TBC1D16: variants seen among roughly 807,000 people sequenced by gnomAD.
The protein encoded by TBC1D16 is CTD-2529O21.1.
Under a neutral mutation model 74.7 loss-of-function variants are expected in TBC1D16, and 58 were observed. The observed-to-expected ratio is 0.78, with a 90% CI of 0.63 to 0.97. The LOEUF (loss-of-function observed/expected upper bound fraction) is 0.97, where lower values mean the gene tolerates loss of function less well. Among genes scored for constraint, TBC1D16 ranks in the 50% least tolerant of loss-of-function variants. The probability of loss-of-function intolerance (pLI) is 0.00; values close to 1 mark genes in which losing one functional copy is unlikely to be tolerated. For missense variants in TBC1D16, 1,014 were observed against 1,079.5 expected (o/e 0.94, Z 0.85); for synonymous variants, 493 against 474.7 (o/e 1.04, Z -0.50).
Position 79,941,552 on chromosome 17 carries a change from C to T in TBC1D16, c.2056-445G>A, listed in dbSNP as rs577084563. Among the ~76,000 whole-genome samples the T allele has an allele frequency of 6.6e-6, 1 of 152,236 alleles. No homozygotes were observed. Among genetic ancestry groups the T allele is most frequent in the African/African-American group, 2.4e-5 (1 of 41,542 alleles). ...CTGTGTCCTGTGCCAGAGGACACCA[C>T]CGACCTCGGGACCCCCGCTCAGTGC... On this transcript the variant is annotated intron_variant, in intron 11 of 11. Transcript: ENST00000310924. The surrounding 1 kb of genome is among the most constrained non-coding windows in gnomAD (Gnocchi z 4.3).
intron 2 of TBC1D16, among the ~76,000 whole-genome samples, chr17:80,011,653 T>C (rs1295906026): frequency 2.0e-5 from 3 of 152,080 alleles, no homozygotes; most frequent in East Asian, 1.9e-4. Context: ...GGTGAAACCC[T>C]GTCTCTACTA....
In TBC1D16 at chr17:79,934,851, A is replaced by T. The variant is rs1225270604; in HGVS notation, c.*6008T>A. The T allele has an allele frequency of 6.6e-6, 1 of 152,424 alleles. No individual in the cohort carries two copies. Among genetic ancestry groups the T allele is most frequent in the Non-Finnish European group, 1.5e-5 (1 of 68,220 alleles). 9.4% of individuals were successfully genotyped at this position (152,424 alleles called of 1,614,324 possible). On this transcript the variant is annotated 3_prime_UTR_variant, in exon 12 of 12. Coordinates refer to ENST00000310924, the MANE Select transcript of TBC1D16 (RefSeq NM_019020.4). ...CCTCCAGCCCCCGCCCCCAGGCAAA[A>T]GGGGAAAAGACACACAGAGAACAAC... is the stretch of plus-strand genomic sequence containing the variant.
chr17:79,950,488 T>C lies in TBC1D16; in HGVS notation c.1180A>G (p.Lys394Glu). The C allele has an allele frequency of 6.2e-7, 1 of 1,613,226 alleles. No homozygotes were observed. Among genetic ancestry groups the C allele is most frequent in the Non-Finnish European group, 8.5e-7 (1 of 1,179,888 alleles). ...AGCCAGGCGGAGACGCCGAGCCTCT[T>C]GTACATGCTCTCCTCGGGGTGCGTC... Reference protein sequence around the residue: ...SETHPEESMYKRLGVSAWLNH... With the variant: ...SETHPEESMYERLGVSAWLNH... Residue 394 changes from lysine (K) to glutamate (E), a missense_variant, in exon 6 of 12, where the codon AAG becomes GAG. Transcript: ENST00000310924. The surrounding 1 kb of genome is among the most constrained non-coding windows in gnomAD (Gnocchi z 4.6).
Position 79,979,270 on chromosome 17 carries a change from G to A in TBC1D16, c.780-26452C>T, listed in dbSNP as rs527904093. On this transcript the variant is annotated intron_variant, in intron 3 of 11. Coordinates refer to ENST00000310924, the MANE Select transcript of TBC1D16 (RefSeq NM_019020.4). The surrounding 1 kb of genome is among the most constrained non-coding windows in gnomAD (Gnocchi z 4.8). ...ACACGCTCCGGGGATGCACACCCAC[G>A]CCCAGAGCACACGCGCTCCGGGGAC... 1.5e-4 allele frequency among the ~76,000 whole-genome samples: 23 copies of A among 151,644 alleles called. No individual in the cohort carries two copies. The South Asian group carries it at 4.8e-3, about 32-fold the overall frequency.
chr17:79,940,713 T>C lies in TBC1D16; in HGVS notation c.*146A>G, dbSNP rs1344235209. On this transcript the variant is annotated 3_prime_UTR_variant, in exon 12 of 12. Coordinates refer to ENST00000310924, the MANE Select transcript of TBC1D16 (RefSeq NM_019020.4). The surrounding 1 kb of genome is among the most constrained non-coding windows in gnomAD (Gnocchi z 5.4). ...CCAGACTCTAATTTTGTCATTAATATGAAAAGGTTCCTCTCATGTTGCCCA... is the reference window on the plus strand; with the variant it reads ...CCAGACTCTAATTTTGTCATTAATACGAAAAGGTTCCTCTCATGTTGCCCA... The C allele has an allele frequency of 1.2e-5, 12 of 981,054 alleles. No individual in the cohort carries two copies. Among genetic ancestry groups the C allele is most frequent in the South Asian group, 9.2e-5 (3 of 32,716 alleles). The allele number at this position is 981,054 out of a possible 1,614,324, so 60.8% of individuals were successfully genotyped here. A position where few individuals can be genotyped will look rare whatever the true frequency, so the allele number is the denominator to read the frequency against.
At chr17:80,031,406 A>T (rs911461852) in intron 1 of TBC1D16, among the ~76,000 whole-genome samples, 2 of 152,192 alleles carry the variant, frequency 1.3e-5, no homozygotes, top group Non-Finnish European at 2.9e-5. Context: ...TGTATTTAAA[A>T]TGAAGAAACT....
In TBC1D16 at chr17:80,001,138, C is replaced by T. The variant is rs1260287804; in HGVS notation, c.779+9022G>A. On this transcript the variant is annotated intron_variant, in intron 3 of 11. Coordinates refer to ENST00000310924, the MANE Select transcript of TBC1D16 (RefSeq NM_019020.4). This position sits in a 1 kb window ranked among gnomAD's most constrained non-coding sequence, Gnocchi z 5.8. ...TGGCCATTTCTAGACTGACTATGGC[C>T]ACATGCCAGTTCATGGGGCTCTGAC... Among the ~76,000 whole-genome samples the T allele has an allele frequency of 1.3e-5, 2 of 152,224 alleles. No homozygotes were observed. Among genetic ancestry groups the T allele is most frequent in the Non-Finnish European group, 1.5e-5 (1 of 68,046 alleles).
In TBC1D16 at chr17:79,956,131, C is replaced by A. The variant is rs2033323358; in HGVS notation, c.780-3313G>T. 6.6e-6 allele frequency among the ~76,000 whole-genome samples: 1 copy of A among 152,246 alleles called. No individual in the cohort carries two copies. Among genetic ancestry groups the A allele is most frequent in the Non-Finnish European group, 1.5e-5 (1 of 68,030 alleles). On this transcript the variant is annotated intron_variant, in intron 3 of 11. Transcript: ENST00000310924. This position sits in a 1 kb window ranked among gnomAD's most constrained non-coding sequence, Gnocchi z 4.0. Reference sequence around the variant, plus strand: ...CTGTCAATGGAGGCCGTTCCAGACCCTCCGCCCACCCAAGCCTCCTGGTGG... The same window carrying A: ...CTGTCAATGGAGGCCGTTCCAGACCATCCGCCCACCCAAGCCTCCTGGTGG...
chr17:80,019,445 C>CT lies in TBC1D16; in HGVS notation c.-62-5837_-62-5836insA, dbSNP rs1268494054. On this transcript the variant is annotated intron_variant, in intron 1 of 11. Coordinates refer to ENST00000310924, the MANE Select transcript of TBC1D16 (RefSeq NM_019020.4). Reference sequence around the variant, plus strand: ...CACCTGGGACACCAGGACAACCCCCCCCCGCCCCTCCCAGATTGTTCTGGA... The same window carrying CT: ...CACCTGGGACACCAGGACAACCCCCCTCCCGCCCCTCCCAGATTGTTCTGGA... Among the ~76,000 whole-genome samples, 2 of 141,638 alleles carry CT rather than the reference C, an allele frequency of 1.4e-5. 1 individual carries two copies. Among genetic ancestry groups the CT allele is most frequent in the African/African-American group, 5.5e-5 (2 of 36,368 alleles). The allele number at this position is 141,638 out of a possible 152,430, so 92.9% of individuals were successfully genotyped here.
chr17:79,972,643 AG>A (rs2034160769), intron 3 of TBC1D16, among the ~76,000 whole-genome samples: 1 of 152,158 alleles, frequency 6.6e-6, no homozygotes. Flanking sequence ...AGAGGCTGCC[AG>A]GGGCTTGGGG....
intron 1 of TBC1D16, among the ~76,000 whole-genome samples, chr17:80,015,455 A>T (rs555307862): frequency 8.6e-4 from 131 of 151,810 alleles, no homozygotes; most frequent in African/African-American, 3.1e-3. Context: ...ATAAATAAAA[A>T]AAATAAAAGA....
At chr17:80,025,146 A>AATGATACACACG (rs796772757) in intron 1 of TBC1D16, among the ~76,000 whole-genome samples, 1 of 87,852 alleles carries the variant, frequency 1.1e-5, no homozygotes, top group Non-Finnish European at 2.2e-5. Context: ...AGGCACACAC[A>AATGATACACACG]AACACACCAG....
chr17:79,963,808 AT>A (rs1395384815), intron 3 of TBC1D16, among the ~76,000 whole-genome samples: 1 of 151,668 alleles, frequency 6.6e-6, no homozygotes, highest in Non-Finnish European at 1.5e-5. Flanking sequence ...TGGAGTTTTG[AT>A]TTTGCATTTC....
At chr17:79,997,552 C>T (rs1194967972) in intron 3 of TBC1D16, among the ~76,000 whole-genome samples, 1 of 152,136 alleles carries the variant, frequency 6.6e-6, no homozygotes, top group Non-Finnish European at 1.5e-5. Context: ...TGAACGAAGA[C>T]TTTTTTAAAT....
chr17:79,955,495 G>A (rs1045181740), intron 3 of TBC1D16, among the ~76,000 whole-genome samples: 52 of 152,294 alleles, frequency 3.4e-4, no homozygotes, highest in South Asian at 6.2e-4. Flanking sequence ...CAGGGAAAAC[G>A]AAATATGTAC....
intron 2 of TBC1D16, 105 bp downstream of exon 2, chr17:80,013,262 G>A: frequency 8.9e-7 from 1 of 1,117,746 alleles, no homozygotes; most frequent in South Asian, 1.6e-5. Flanking sequence ...TTCTGGAAGA[G>A]GAACCAAATG....
At chr17:79,997,182 CCA>C (rs1283229473) in intron 3 of TBC1D16, among the ~76,000 whole-genome samples, 1 of 152,084 alleles carries the variant, frequency 6.6e-6, no homozygotes, top group Non-Finnish European at 1.5e-5. Flanking sequence ...TACATGTATC[CCA>C]GTGGCACAGG....
chr17:79,945,070 C>T lies in TBC1D16; in HGVS notation c.1746G>A (p.Leu582=). 1 of 1,583,386 alleles carries T rather than the reference C, an allele frequency of 6.3e-7. No individual in the cohort carries two copies. Among genetic ancestry groups the T allele is most frequent in the Non-Finnish European group, 8.6e-7 (1 of 1,166,262 alleles). ...AGAAGCGCACGTGCGTCAGCCGCAGCAGCTCGCGCAGGTACAGCTGGGGGT... is the reference window on the plus strand; with the variant it reads ...AGAAGCGCACGTGCGTCAGCCGCAGTAGCTCGCGCAGGTACAGCTGGGGGT... ...MEKQLLYLRE[L]LRLTHVRFYQ... is the part of the protein sequence containing the mutation. The change falls in exon 10 of 12, where the codon CTG becomes CTA. Residue 582 remains leucine, a synonymous_variant. Coordinates refer to ENST00000310924, the MANE Select transcript of TBC1D16 (RefSeq NM_019020.4).
Position 80,013,456 on chromosome 17 carries a change from G to C in TBC1D16, c.92C>G (p.Ser31Cys). Residue 31 changes from serine (S) to cysteine (C), a missense_variant, in exon 2 of 12, where the codon TCT becomes TGT. By Grantham distance (112) the Ser-to-Cys change is moderately radical. Coordinates refer to ENST00000310924, the MANE Select transcript of TBC1D16 (RefSeq NM_019020.4). Reference protein sequence around the residue: ...TPGGSGSGSPSVLDGEIIYSK... With the variant: ...TPGGSGSGSPCVLDGEIIYSK... ...GTAGATGATCTCTCCATCCAGGACA[G>C]AGGGGGACCCGCTGCCGCTGCCACC... is the stretch of plus-strand genomic sequence containing the variant. 1 of 1,601,710 alleles carries C rather than the reference G, an allele frequency of 6.2e-7. No homozygotes were observed. Among genetic ancestry groups the C allele is most frequent in the Non-Finnish European group, 8.5e-7 (1 of 1,174,824 alleles).
Sources: gnomAD v4.1 joint callset for allele counts (sites outside exome capture counted in the v4.1 genomes callset) on GRCh38, gnomAD v4.1.1 for gene constraint, Gnocchi (gnomAD v3.1) non-coding constraint, MANE v1.5 for transcripts, NCBI Gene and HGNC (gene_info 2026-07-23, HGNC 2026-07-21) for gene names.